IGSF5: variants seen among roughly 807,000 people sequenced by gnomAD.
The protein encoded by IGSF5 is immunoglobulin superfamily member 5.
In IGSF5, 41 loss-of-function variants were observed where a neutral mutation model predicts 39.4. The ratio of observed to expected loss-of-function variants is 1.04; its 90% CI spans 0.81 to 1.35. The LOEUF is 1.35. IGSF5 is among the 40% of genes most tolerant of loss of function. The probability of loss-of-function intolerance (pLI) is 0.00; values close to 1 mark genes in which losing one functional copy is unlikely to be tolerated. For missense variants in IGSF5, 487 were observed against 494.6 expected (o/e 0.98, Z 0.15); for synonymous variants, 183 against 175.3 (o/e 1.04, Z -0.34).
At chr21:39,718,534 G>A in the IGSF5 span, among the ~76,000 whole-genome samples, 21 of 152,272 alleles carry the variant, frequency 1.4e-4, no homozygotes, top group Non-Finnish European at 2.9e-4. Flanking sequence ...TCAATACCTC[G>A]TTTATTGAGA....
intron 8 of IGSF5, among the ~76,000 whole-genome samples, chr21:39,794,516 G>A (rs1216296545): frequency 6.6e-6 from 1 of 152,150 alleles, no homozygotes; most frequent in South Asian, 2.1e-4. Flanking sequence ...TATAGAGTCA[G>A]CATTGGTTAT....
upstream of IGSF5, among the ~76,000 whole-genome samples, chr21:39,740,341 T>A (rs901292938): frequency 9.9e-5 from 15 of 152,184 alleles, no homozygotes; most frequent in Non-Finnish European, 1.9e-4. Context: ...CCTCTTTAGG[T>A]TTCTGTACGG....
At chr21:39,751,663 A>T (rs1009608149) in intron 2 of IGSF5, among the ~76,000 whole-genome samples, 3 of 152,176 alleles carry the variant, frequency 2.0e-5, no homozygotes, top group Admixed American at 6.5e-5. Context: ...GAAAGTTTTT[A>T]AAAAAACTTT....
the IGSF5 span, among the ~76,000 whole-genome samples, chr21:39,736,763 TAAC>T: frequency 1.3e-5 from 2 of 152,302 alleles, no homozygotes; most frequent in African/African-American, 4.8e-5. Flanking sequence ...TATCATAACT[TAAC>T]ATCTTCCAGA....
intron 2 of IGSF5, among the ~76,000 whole-genome samples, chr21:39,757,723 C>T (rs2080038757): frequency 6.6e-6 from 1 of 152,062 alleles, no homozygotes; most frequent in Non-Finnish European, 1.5e-5. Flanking sequence ...ATTACAGGTG[C>T]ATACCACCAC....
rs550867108 is a variant in IGSF5, at chr21:39,795,460, G to C, written c.1128+1847G>C. 7.9e-5 allele frequency among the ~76,000 whole-genome samples: 12 copies of C among 151,978 alleles called. No homozygotes were observed. In the South Asian group the frequency reaches 2.5e-3, roughly 32 times the overall value. On this transcript the variant is annotated intron_variant, in intron 8 of 8. Transcript: ENST00000380588. ...GTGTTTCTATCAGACAAGCCAAAGT[G>C]TTCAGGTCTGGCGTTGTGGGGAGGG...
intron 5 of IGSF5, among the ~76,000 whole-genome samples, chr21:39,785,466 A>G (rs989038803): frequency 6.6e-6 from 1 of 152,104 alleles, no homozygotes; most frequent in African/African-American, 2.4e-5. Context: ...GTAGCCTTGT[A>G]GTATAGTTTG....
the IGSF5 span, among the ~76,000 whole-genome samples, chr21:39,736,727 T>C: frequency 6.6e-6 from 1 of 152,326 alleles, no homozygotes; most frequent in African/African-American, 2.4e-5. Context: ...CTAAGGCATA[T>C]GCATTGTTGT....
At chr21:39,794,117 A>ATTAT (rs2086981498) in intron 8 of IGSF5, among the ~76,000 whole-genome samples, 1 of 152,180 alleles carries the variant, frequency 6.6e-6, no homozygotes, top group Non-Finnish European at 1.5e-5. Flanking sequence ...TATGCTGATA[A>ATTAT]GCTTGAGGGC....
chr21:39,787,739 C>A (rs1164227987), intron 5 of IGSF5, among the ~76,000 whole-genome samples: 3 of 151,890 alleles, frequency 2.0e-5, no homozygotes, highest in African/African-American at 7.3e-5. Flanking sequence ...GTTAAATGAG[C>A]TAGTACTTTG....
rs748238249 is a variant in IGSF5, at chr21:39,779,075, T to A, written c.719-15T>A. ...CAGTGCAAGTATCACTAAAATATAT[T>A]TTTTTCTTCTTTAGACACTGGAGGT... On this transcript the variant is annotated splice_polypyrimidine_tract_variant and intron_variant, in intron 4 of 8. Transcript: ENST00000380588. 6.2e-7 allele frequency: 1 copy of A among 1,610,674 alleles called. No individual in the cohort carries two copies. Among genetic ancestry groups the A allele is most frequent in the Non-Finnish European group, 8.5e-7 (1 of 1,177,516 alleles).
intron 6 of IGSF5, among the ~76,000 whole-genome samples, chr21:39,791,034 T>C: frequency 6.6e-6 from 1 of 152,222 alleles, no homozygotes; most frequent in African/African-American, 2.4e-5. Context: ...CAAATTTTGG[T>C]ATCTGCAGGG....
chr21:39,780,050 T>C (rs757707588), intron 5 of IGSF5, among the ~76,000 whole-genome samples: 18 of 152,250 alleles, frequency 1.2e-4, no homozygotes, highest in Non-Finnish European at 2.1e-4. Flanking sequence ...AGGTCTTAGA[T>C]ATTCTCACCA....
rs540584167 is a variant in IGSF5, at chr21:39,792,396, G to A, written c.1048+297G>A. On this transcript the variant is annotated intron_variant, in intron 7 of 8. Coordinates refer to ENST00000380588, the MANE Select transcript of IGSF5 (RefSeq NM_001080444.2). Reference sequence around the variant, plus strand: ...GCCTGCCATAGGGTGGGGGGAAGGGGGAAGGATAGCATTAGGAGATATACC... The same window carrying A: ...GCCTGCCATAGGGTGGGGGGAAGGGAGAAGGATAGCATTAGGAGATATACC... 1.1e-4 allele frequency among the ~76,000 whole-genome samples: 17 copies of A among 152,114 alleles called. No homozygotes were observed. The South Asian group carries it at 3.3e-3, about 30-fold the overall frequency.
At chr21:39,773,488 C>CCTTTTTTTTTT (rs1200247599) in intron 4 of IGSF5, among the ~76,000 whole-genome samples, 24 of 149,628 alleles carry the variant, frequency 1.6e-4, no homozygotes, top group African/African-American at 5.9e-4. Context: ...CTTTTTTTTT[C>CCTTTTTTTTTT]CTCACAGTTT....
At chr21:39,794,310 C>T (rs2086982764) in intron 8 of IGSF5, among the ~76,000 whole-genome samples, 1 of 152,228 alleles carries the variant, frequency 6.6e-6, no homozygotes, top group East Asian at 1.9e-4. Flanking sequence ...TTCTGAAGGT[C>T]TCTGTTAGAT....
chr21:39,717,004 T>C, the IGSF5 span, among the ~76,000 whole-genome samples: 9 of 152,260 alleles, frequency 5.9e-5, no homozygotes, highest in African/African-American at 2.2e-4. Context: ...AACCTAGCCA[T>C]TATCTGTTAT....
chr21:39,756,883 A>G (rs2080033154), intron 2 of IGSF5, among the ~76,000 whole-genome samples: 1 of 152,032 alleles, frequency 6.6e-6, no homozygotes, highest in South Asian at 2.1e-4. Flanking sequence ...GAAGGAAGGA[A>G]CAAGAGGTAT....
intron 6 of IGSF5, 149 bp from the exon 7 acceptor site, chr21:39,791,859 G>A (rs1034103209): frequency 4.0e-5 from 24 of 595,742 alleles, no homozygotes; most frequent in African/African-American, 1.7e-4. Flanking sequence ...GCAACGCAGC[G>A]GCAAAGCTAT....
Sources: gnomAD v4.1 joint callset for allele counts (sites outside exome capture counted in the v4.1 genomes callset) on GRCh38, gnomAD v4.1.1 for gene constraint, MANE v1.5 for transcripts, NCBI Gene and HGNC (gene_info 2026-07-23, HGNC 2026-07-21) for gene names.